The following AKT2 variants were observed in gnomAD, a reference collection of about 807,000 sequenced individuals.
AKT2 encodes the protein AKT serine/threonine kinase 2.
A neutral mutation model predicts 58.6 loss-of-function variants in AKT2; 16 were observed. The observed-to-expected ratio is 0.27, with a 90% CI of 0.18 to 0.41. AKT2 has a LOEUF of 0.41. AKT2 is among the 10% of genes least tolerant of loss of function. The pLI, the probability that AKT2 is intolerant of heterozygous loss-of-function variation, is 1.00. For synonymous variants in AKT2, 253 were observed against 254.0 expected, an observed-to-expected ratio of 1.00 and a Z score of 0.04; for missense variants, 438 against 661.0, an observed-to-expected ratio of 0.66 and a Z score of 3.70.
chr19:40,271,186 A>G (rs2077205912), intron 1 of AKT2, among the ~76,000 whole-genome samples: 1 of 149,288 alleles, frequency 6.7e-6, no homozygotes, highest in African/African-American at 2.5e-5. Context: ...CCAAAAAAAA[A>G]AAAAACATAC....
intron 2 of AKT2, among the ~76,000 whole-genome samples, chr19:40,257,761 G>A (rs761158436): frequency 6.6e-5 from 10 of 152,128 alleles, no homozygotes; most frequent in Non-Finnish European, 1.5e-4. Flanking sequence ...CATCAACAAC[G>A]AATGGATAAA....
chr19:40,274,212 G>A (rs1226785868), intron 1 of AKT2: 1 of 152,396 alleles, frequency 6.6e-6, no homozygotes, highest in African/African-American at 2.4e-5. Flanking sequence ...ACTGGACTGT[G>A]GGTTCCACAA....
chr19:40,240,110 C>T lies in AKT2; in HGVS notation c.574G>A (p.Asp192Asn), dbSNP rs1225273209. 1.2e-6 allele frequency: 2 copies of T among 1,613,906 alleles called. No individual in the cohort carries two copies. The highest frequency in any genetic ancestry group is 1.3e-5 in the African/African-American group (1 of 74,942). Reference protein sequence around the residue: ...ILRKEVIIAKDEVAHTVTESR... With the variant: ...ILRKEVIIAKNEVAHTVTESR... ...TCGGTGACTGTGTGAGCGACTTCAT[C>T]CTGCAGACAGACTGCGGGTGAGGGG... is the stretch of plus-strand genomic sequence containing the variant. The change falls in exon 7 of 14, where the codon GAT becomes AAT. Residue 192 changes from aspartate to asparagine, a missense_variant and splice_region_variant. By Grantham distance (23) the Asp-to-Asn change is conservative. Coordinates refer to ENST00000392038, the MANE Select transcript of AKT2 (RefSeq NM_001626.6).
At chr19:40,241,610 A>G (rs1212741166) in intron 6 of AKT2, 4 of 397,950 alleles carry the variant, frequency 1.0e-5, no homozygotes, top group East Asian at 1.1e-4. Flanking sequence ...CACCTGGGAT[A>G]CCCTGAGCAA....
At chr19:40,278,927 C>T (rs771162419) in intron 1 of AKT2, among the ~76,000 whole-genome samples, 4 of 151,692 alleles carry the variant, frequency 2.6e-5, no homozygotes, top group Non-Finnish European at 5.9e-5. Context: ...ACGTCAGCTA[C>T]CCCCGGGACC....
intron 2 of AKT2, among the ~76,000 whole-genome samples, chr19:40,262,706 C>T (rs1481338558): frequency 6.6e-6 from 1 of 152,230 alleles, no homozygotes; most frequent in Non-Finnish European, 1.5e-5. Context: ...AGTCACTCTT[C>T]CTACTGAACC....
chr19:40,240,106 T>G lies in AKT2; in HGVS notation c.578A>C (p.Glu193Ala). 3.7e-6 allele frequency: 6 copies of G among 1,613,984 alleles called. No homozygotes were observed. Among genetic ancestry groups the G allele is most frequent in the Non-Finnish European group, 5.1e-6 (6 of 1,180,020 alleles). Residue 193 changes from glutamate (E) to alanine (A), a missense_variant, in exon 7 of 14, where the codon GAA becomes GCA. Physicochemically the swap from Glu to Ala is moderately radical, Grantham distance 107 (BLOSUM62 -1). This residue lies in a region of AKT2 where 244 missense variants were observed against 347.1 expected (regional missense o/e 0.70). Transcript: ENST00000392038. ...LRKEVIIAKDEVAHTVTESRV... is the reference protein window; with the variant it reads ...LRKEVIIAKDAVAHTVTESRV... The stretch of plus-strand genomic sequence containing the variant: ...GCTCTCGGTGACTGTGTGAGCGACT[T>G]CATCCTGCAGACAGACTGCGGGTGA...
rs139506765 is a variant in AKT2 at position 40,235,950 on chromosome 19, G to A, written c.1115C>T (p.Thr372Met). ...CAGGGACTTGGCCTCGGGGCTGAGC[G>A]TGCGCGGGAAGCGGATCTCTTCCAT... ...ILMEEIRFPR[T>M]LSPEAKSLLA... Residue 372 changes from threonine to methionine, a missense_variant, in exon 11 of 14, where the codon ACG becomes ATG. Coordinates refer to ENST00000392038, the MANE Select transcript of AKT2 (RefSeq NM_001626.6). This position sits in a 1 kb window ranked among gnomAD's most constrained non-coding sequence, Gnocchi z 6.3. 2.9e-5 allele frequency: 46 copies of A among 1,613,782 alleles called. No homozygotes were observed. The highest frequency in any genetic ancestry group is 2.7e-4 in the African/African-American group (20 of 74,928).
At chr19:40,264,562 G>A (rs913785560) in intron 2 of AKT2, among the ~76,000 whole-genome samples, 18 of 152,030 alleles carry the variant, frequency 1.2e-4, no homozygotes, top group Admixed American at 7.2e-4. Context: ...CTCCAGCCAC[G>A]CTGTTACCAG....
chr19:40,270,097 C>T (rs1976604969), intron 1 of AKT2, among the ~76,000 whole-genome samples: 1 of 152,236 alleles, frequency 6.6e-6, no homozygotes, highest in African/African-American at 2.4e-5. Flanking sequence ...TCAGGCCCCT[C>T]TCCACTCTCT....
intron 2 of AKT2, among the ~76,000 whole-genome samples, chr19:40,261,623 A>C (rs955908313): frequency 3.3e-5 from 5 of 151,892 alleles, no homozygotes; most frequent in Non-Finnish European, 7.4e-5. Context: ...AGAAGATGCC[A>C]ACCCTGAATC....
chr19:40,265,617 G>A (rs1976293846), intron 1 of AKT2: 2 of 423,964 alleles, frequency 4.7e-6, no homozygotes, highest in Non-Finnish European at 8.8e-6. Flanking sequence ...CATGCTGGGG[G>A]GAGGTGGCCC....
intron 2 of AKT2, among the ~76,000 whole-genome samples, chr19:40,258,257 A>C (rs1377005328): frequency 9.3e-5 from 14 of 151,082 alleles, no homozygotes; most frequent in East Asian, 1.9e-4. Flanking sequence ...AAAAAAAAAA[A>C]AAAAAACAAA....
Position 40,234,649 on chromosome 19 carries a change from C to A in AKT2, c.1366+396G>T. 5.4e-6 allele frequency: 3 copies of A among 554,850 alleles called. No individual in the cohort carries two copies. Among genetic ancestry groups the A allele is most frequent in the Non-Finnish European group, 6.3e-6 (2 of 315,070 alleles). The allele number at this position is 554,850 out of a possible 1,614,324, so 34.4% of individuals were successfully genotyped here. A position where few individuals can be genotyped will look rare whatever the true frequency, so the allele number is the denominator to read the frequency against. On this transcript the variant is annotated intron_variant, in intron 13 of 13. Transcript: ENST00000392038. The surrounding 1 kb of genome is among the most constrained non-coding windows in gnomAD (Gnocchi z 4.7). ...ACGCCCTAGCCCTGACCACTCCAGG[C>A]CGCCCACCCTACCTGGGCTGGGAGC...
In AKT2 at chr19:40,233,435, T is replaced by C. The variant is rs978525841; in HGVS notation, c.*437A>G. Reference sequence around the variant, plus strand: ...CACTCCGAGCCTAGGCCACGGGGCCTGGAAGGCAGCACCACTGTCTGCCGG... The same window carrying C: ...CACTCCGAGCCTAGGCCACGGGGCCCGGAAGGCAGCACCACTGTCTGCCGG... On this transcript the variant is annotated 3_prime_UTR_variant, in exon 14 of 14. Transcript: ENST00000392038. The surrounding 1 kb of genome is among the most constrained non-coding windows in gnomAD (Gnocchi z 4.3). The C allele has an allele frequency of 1.8e-5, 9 of 500,566 alleles. No homozygotes were observed. Among genetic ancestry groups the C allele is most frequent in the African/African-American group, 1.5e-4 (8 of 52,948 alleles). 31.0% of individuals were successfully genotyped at this position (500,566 alleles called of 1,614,324 possible).
chr19:40,251,539 C>T (rs1410775360), intron 4 of AKT2, among the ~76,000 whole-genome samples: 2 of 151,836 alleles, frequency 1.3e-5, no homozygotes, highest in Admixed American at 1.3e-4. Flanking sequence ...AGACAACTAG[C>T]CTGGCTTGTC....
Position 40,237,945 on chromosome 19 carries a change from C to G in AKT2, c.831+24G>C. The G allele has an allele frequency of 6.2e-7, 1 of 1,611,578 alleles. No individual in the cohort carries two copies. Among genetic ancestry groups the G allele is most frequent in the Non-Finnish European group, 8.5e-7 (1 of 1,179,352 alleles). ...ATGTGGTGTGCATGCCACAGGTCAG[C>G]CTGGCGCACACCCTGCCACTAACCT... is the stretch of plus-strand genomic sequence containing the variant. On this transcript the variant is annotated intron_variant, in intron 9 of 13. Transcript: ENST00000392038. The surrounding 1 kb of genome is among the most constrained non-coding windows in gnomAD (Gnocchi z 4.5).
chr19:40,282,009 G>A (rs2077432030), intron 1 of AKT2, among the ~76,000 whole-genome samples: 1 of 152,158 alleles, frequency 6.6e-6, no homozygotes, highest in South Asian at 2.1e-4. Context: ...CCATGGAGTG[G>A]CACGGCTGGA....
chr19:40,244,606 T>C (rs1206076691), intron 4 of AKT2, among the ~76,000 whole-genome samples: 1 of 152,208 alleles, frequency 6.6e-6, no homozygotes, highest in Non-Finnish European at 1.5e-5. Flanking sequence ...TGTATTTTGC[T>C]TGTATCTAGA....
Sources: gnomAD v4.1 joint callset for allele counts (sites outside exome capture counted in the v4.1 genomes callset) on GRCh38, gnomAD v4.1.1 for gene constraint, gnomAD v4.1.1 regional missense constraint, Gnocchi (gnomAD v3.1) non-coding constraint, MANE v1.5 for transcripts, NCBI Gene and HGNC (gene_info 2026-07-23, HGNC 2026-07-21) for gene names.